CNGB1: variants seen among roughly 807,000 people sequenced by gnomAD.
The protein encoded by CNGB1 is cyclic nucleotide-gated channel beta-1.
In CNGB1, 126 loss-of-function variants were observed where a neutral mutation model predicts 151.7. The ratio of observed to expected loss-of-function variants is 0.83; its 90% CI spans 0.72 to 0.96. The LOEUF is 0.96. Among genes scored for constraint, CNGB1 ranks in the 40% least tolerant of loss-of-function variants. CNGB1 has a pLI of 0.00. For synonymous variants in CNGB1, 623 were observed against 635.1 expected, an observed-to-expected ratio of 0.98 and a Z score of 0.29; for missense variants, 1,698 against 1,627.0, an observed-to-expected ratio of 1.04 and a Z score of -0.75.
chr16:57,941,041 T>A (rs1172869380), intron 14 of CNGB1, among the ~76,000 whole-genome samples: 1 of 152,114 alleles, frequency 6.6e-6, no homozygotes, highest in Admixed American at 6.5e-5. Flanking sequence ...GCCAGATCAT[T>A]CCATTTTCAA....
intron 31 of CNGB1, among the ~76,000 whole-genome samples, chr16:57,893,247 A>G (rs893319449): frequency 6.6e-6 from 1 of 152,216 alleles, no homozygotes; most frequent in Non-Finnish European, 1.5e-5. Context: ...TTTGATGGCT[A>G]CAGAGGAACA....
chr16:57,911,764 G>GCCAT lies in CNGB1; in HGVS notation c.2477_2480dup (p.Val828TrpfsTer25). Reference sequence around the variant, plus strand: ...GGACTGTGGCTCACCTGTTTCCCACGCCATCGTAAACCCAGTGAGTGGAGC... The same window carrying GCCAT: ...GGACTGTGGCTCACCTGTTTCCCACGCCATCCATCGTAAACCCAGTGAGTGGAGC... On this transcript the variant is annotated frameshift_variant, in exon 25 of 33. Transcript: ENST00000251102. LOFTEE classifies it high-confidence loss of function. 6.2e-7 allele frequency: 1 copy of GCCAT among 1,613,920 alleles called. No homozygotes were observed. Among genetic ancestry groups the GCCAT allele is most frequent in the Non-Finnish European group, 8.5e-7 (1 of 1,179,868 alleles).
chr16:57,916,670 T>G (rs1279480280), intron 21 of CNGB1, among the ~76,000 whole-genome samples: 1 of 152,188 alleles, frequency 6.6e-6, no homozygotes, highest in African/African-American at 2.4e-5. Flanking sequence ...AGACAGGGAC[T>G]GTGTCTCCTG....
At chr16:57,943,392 C>T (rs553084354) in intron 14 of CNGB1, among the ~76,000 whole-genome samples, 29 of 152,220 alleles carry the variant, frequency 1.9e-4, no homozygotes, top group African/African-American at 6.0e-4. Context: ...ACAAGATAGG[C>T]CGGGTGCAGT....
Position 57,903,850 on chromosome 16 carries a change from C to T in CNGB1, c.2766G>A (p.Glu922=), listed in dbSNP as rs1435534464. The change falls in exon 27 of 33, where the codon GAG becomes GAA. Residue 922 remains glutamate (E), a synonymous_variant. Coordinates refer to ENST00000251102, the MANE Select transcript of CNGB1 (RefSeq NM_001297.5). ...GCATGCCTTGCGAGTGCCAGGTGTACTCGTACCAGGTCTTGACGCGGTTCT... is the reference window on the plus strand; with the variant it reads ...GCATGCCTTGCGAGTGCCAGGTGTATTCGTACCAGGTCTTGACGCGGTTCT... ...SVQNRVKTWY[E]YTWHSQGMLD... The T allele has an allele frequency of 1.9e-6, 3 of 1,614,068 alleles. No individual in the cohort carries two copies. Among genetic ancestry groups the T allele is most frequent in the African/African-American group, 1.3e-5 (1 of 74,940 alleles).
chr16:57,935,856 G>T (rs1447393617), intron 16 of CNGB1, among the ~76,000 whole-genome samples: 1 of 151,942 alleles, frequency 6.6e-6, no homozygotes, highest in African/African-American at 2.4e-5. Flanking sequence ...GGCCGGGGTG[G>T]CACCCCTTAC....
intron 25 of CNGB1, among the ~76,000 whole-genome samples, chr16:57,908,556 G>T (rs1299261000): frequency 2.0e-5 from 3 of 152,382 alleles, no homozygotes; most frequent in South Asian, 2.1e-4. Context: ...GGGCTCAGAG[G>T]CATCTACTCC....
intron 16 of CNGB1, among the ~76,000 whole-genome samples, chr16:57,936,812 A>T (rs1961523584): frequency 6.6e-6 from 1 of 151,508 alleles, no homozygotes; most frequent in Non-Finnish European, 1.5e-5. Context: ...AAAAAAAACA[A>T]AAGAAAAGAG....
intron 13 of CNGB1, 101 bp from the exon 14 acceptor site, chr16:57,949,540 C>T: frequency 6.3e-7 from 1 of 1,582,866 alleles, no homozygotes; most frequent in Non-Finnish European, 8.6e-7. Flanking sequence ...GACACCTGAG[C>T]CCAGACCTGG....
chr16:57,898,677 A>C (rs1202581311), intron 29 of CNGB1, among the ~76,000 whole-genome samples: 1 of 152,142 alleles, frequency 6.6e-6, no homozygotes, highest in African/African-American at 2.4e-5. Flanking sequence ...TAGCCTCCCA[A>C]AGTGCTGGGA....
intron 12 of CNGB1, chr16:57,955,368 C>T (rs1567394675): frequency 6.4e-7 from 1 of 1,551,620 alleles, no homozygotes; most frequent in East Asian, 2.4e-5. Flanking sequence ...TCCCATCACC[C>T]CTGAAACAAA....
At chr16:57,939,645 G>A in intron 15 of CNGB1, 53 bp from the exon 16 acceptor site, 12 of 1,610,666 alleles carry the variant, frequency 7.5e-6, no homozygotes, top group Non-Finnish European at 9.3e-6. Context: ...CCCAGCCCTA[G>A]TCTCAGCAGC....
At chr16:57,893,805 C>CA (rs1368927100) in intron 31 of CNGB1, among the ~76,000 whole-genome samples, 7 of 151,316 alleles carry the variant, frequency 4.6e-5, no homozygotes, top group African/African-American at 1.2e-4. Context: ...GACTCCATCT[C>CA]AAAAAAACAA....
chr16:57,959,821 G>C, intron 10 of CNGB1, 67 bp downstream of exon 10: 1 of 1,420,146 alleles, frequency 7.0e-7, no homozygotes. Flanking sequence ...AGGAGGTTGG[G>C]TGTTAGGCGG....
intron 32 of CNGB1, among the ~76,000 whole-genome samples, chr16:57,885,526 TTTCC>T (rs1244889402): frequency 2.7e-5 from 4 of 149,536 alleles, no homozygotes; most frequent in South Asian, 4.3e-4. Flanking sequence ...TCCTTCCTTT[TTTCC>T]TTCCTTCCTT....
rs907470991 is a variant in CNGB1, at chr16:57,904,835, T to C, written c.2533A>G (p.Thr845Ala). ...TTGGGGTCAGGCAGCCCCCCGATGG[T>C]GATGAGGGTCTTCACAGCAAAGTAG... Reference protein sequence around the residue: ...CYYFAVKTLITIGGLPDPKTL... With the variant: ...CYYFAVKTLIAIGGLPDPKTL... The change falls in exon 26 of 33, where the codon ACC (threonine) becomes GCC (alanine). Residue 845 changes from threonine (T) to alanine (A), a missense_variant. Coordinates refer to ENST00000251102, the MANE Select transcript of CNGB1 (RefSeq NM_001297.5). 5.6e-6 allele frequency: 9 copies of C among 1,613,972 alleles called. No homozygotes were observed. Among genetic ancestry groups the C allele is most frequent in the Middle Eastern group, 3.3e-4 (2 of 6,062 alleles).
At chr16:57,970,265 G>A (rs1212665345) in intron 1 of CNGB1, among the ~76,000 whole-genome samples, 1 of 152,180 alleles carries the variant, frequency 6.6e-6, no homozygotes, top group Non-Finnish European at 1.5e-5. Context: ...TGTTGGGATA[G>A]CAGATTTCAC....
chr16:57,924,707 G>A (rs898225750), intron 17 of CNGB1, among the ~76,000 whole-genome samples: 3 of 152,156 alleles, frequency 2.0e-5, no homozygotes, highest in Admixed American at 2.0e-4. Flanking sequence ...GTTGGCGGTG[G>A]GGCTTGGTGG....
Position 57,897,456 on chromosome 16 carries a change from G to T in CNGB1, c.3183C>A (p.Asp1061Glu). 1 of 1,614,168 alleles carries T rather than the reference G, an allele frequency of 6.2e-7. No homozygotes were observed. Among genetic ancestry groups the T allele is most frequent in the Non-Finnish European group, 8.5e-7 (1 of 1,180,030 alleles). The change falls in exon 31 of 33, where the codon GAC becomes GAA. Residue 1061 changes from aspartate (D) to glutamate (E), a missense_variant. Physicochemically the swap from Asp to Glu is conservative, Grantham distance 45. Transcript: ENST00000251102. ...GATAATGCACCAAAATCTCATTCAG[G>T]TCCTTCTTATCCAGGATGAAGAGGT... Reference protein sequence around the residue: ...FTNLFILDKKDLNEILVHYPE... With the variant: ...FTNLFILDKKELNEILVHYPE...
Sources: gnomAD v4.1 joint callset for allele counts (sites outside exome capture counted in the v4.1 genomes callset) on GRCh38, gnomAD v4.1.1 for gene constraint, MANE v1.5 for transcripts, NCBI Gene and HGNC (gene_info 2026-07-23, HGNC 2026-07-21) for gene names.